The following HMGN5 variants were observed in gnomAD, a reference collection of about 807,000 sequenced individuals.
The protein encoded by HMGN5 is high mobility group nucleosome-binding domain-containing protein 5.
HMGN5 carries 4 observed loss-of-function variants against 9.5 expected under a neutral mutation model. The observed-to-expected ratio is 0.42, with a 90% confidence interval of 0.21 to 0.96. HMGN5 has a LOEUF of 0.96. Among genes scored for constraint, HMGN5 ranks in the 40% least tolerant of loss-of-function variants. The pLI, the probability that HMGN5 is intolerant of heterozygous loss-of-function variation, is 0.30. For missense variants in HMGN5, 192 were observed against 187.5 expected (o/e 1.02, Z -0.14); for synonymous variants, 55 against 57.1 (o/e 0.96, Z 0.16).
intron 1 of HMGN5, among the ~76,000 whole-genome samples, chrX:81,178,735 A>G (rs2075450919): frequency 9.0e-6 from 1 of 111,692 alleles, no homozygotes; most frequent in Non-Finnish European, 1.9e-5. Flanking sequence ...AAAGCCTGGT[A>G]AAGACACAAC....
intron 1 of HMGN5, among the ~76,000 whole-genome samples, chrX:81,135,166 A>G (rs2075307868): frequency 8.9e-6 from 1 of 111,860 alleles, no homozygotes; most frequent in African/African-American, 3.2e-5. Context: ...AAGCAATATC[A>G]TCAGTAAAGT....
At chrX:81,159,986 A>T (rs1189944024) in intron 1 of HMGN5, among the ~76,000 whole-genome samples, 4 of 112,223 alleles carry the variant, frequency 3.6e-5, no homozygotes, top group Non-Finnish European at 7.5e-5. Context: ...TCATTCAAAT[A>T]TTTGTATGCA....
At chrX:81,197,343 A>T (rs2075511946) in intron 1 of HMGN5, among the ~76,000 whole-genome samples, 1 of 111,974 alleles carries the variant, frequency 8.9e-6, no homozygotes, top group South Asian at 3.7e-4. Flanking sequence ...TTGACATGAT[A>T]ATGTTTTTCA....
chrX:81,177,077 G>A (rs2075444153), intron 1 of HMGN5, among the ~76,000 whole-genome samples: 1 of 110,045 alleles, frequency 9.1e-6, no homozygotes, highest in Admixed American at 9.8e-5. Context: ...AAGCCCATCA[G>A]ACTAACAGCG....
chrX:81,153,171 A>T (rs2075369568), intron 1 of HMGN5, among the ~76,000 whole-genome samples: 1 of 109,158 alleles, frequency 9.2e-6, no homozygotes, highest in East Asian at 2.9e-4. Context: ...TAAAAAAATA[A>T]AAAAAGAAAA....
At chrX:81,125,860 G>A (rs1258167657) in intron 1 of HMGN5, among the ~76,000 whole-genome samples, 2 of 111,288 alleles carry the variant, frequency 1.8e-5, no homozygotes, top group African/African-American at 6.5e-5. Context: ...TAAAATTTAA[G>A]CAGTTGGCTG....
At chrX:81,155,075 G>GTATATATATATATATATATATA (rs761895749) in intron 1 of HMGN5, among the ~76,000 whole-genome samples, 2 of 68,945 alleles carry the variant, frequency 2.9e-5, no homozygotes, top group African/African-American at 1.1e-4. Context: ...GTATATATCA[G>GTATATATATATATATATATATA]TATATATATA....
chrX:81,184,807 G>A (rs1018446782), intron 1 of HMGN5, among the ~76,000 whole-genome samples: 35 of 111,261 alleles, frequency 3.1e-4, no homozygotes, highest in African/African-American at 1.1e-3. Context: ...TTTCTATGTG[G>A]CAAGAGAGCG....
intron 1 of HMGN5, among the ~76,000 whole-genome samples, chrX:81,186,485 C>A (rs1454676137): frequency 9.0e-6 from 1 of 111,322 alleles, no homozygotes; most frequent in East Asian, 2.8e-4. Context: ...TTATTTGGGT[C>A]TTCTCTCTTT....
At chrX:81,168,263 A>G (rs756613962) in intron 1 of HMGN5, among the ~76,000 whole-genome samples, 1 of 112,063 alleles carries the variant, frequency 8.9e-6, no homozygotes, top group East Asian at 2.8e-4. Flanking sequence ...CCTCTTTATG[A>G]TTCACAACTT....
chrX:81,117,862 T>A (rs1381988707), intron 5 of HMGN5, among the ~76,000 whole-genome samples: 1 of 110,937 alleles, frequency 9.0e-6, no homozygotes, highest in Non-Finnish European at 1.9e-5. Context: ...ATTCAATCAA[T>A]ATTCTTATGT....
chrX:81,166,051 T>C (rs977770144), intron 1 of HMGN5, among the ~76,000 whole-genome samples: 4 of 110,749 alleles, frequency 3.6e-5, no homozygotes, highest in African/African-American at 9.8e-5. Flanking sequence ...GTGCATTGTA[T>C]AGTGTTTAGC....
chrX:81,135,030 A>C (rs1166911392), intron 1 of HMGN5, among the ~76,000 whole-genome samples: 1 of 111,668 alleles, frequency 9.0e-6, no homozygotes, highest in Non-Finnish European at 1.9e-5. Flanking sequence ...CTTATAATAA[A>C]ACATAAGAGT....
At chrX:81,147,890 A>T (rs1313765050) in intron 1 of HMGN5, among the ~76,000 whole-genome samples, 1 of 111,520 alleles carries the variant, frequency 9.0e-6, no homozygotes, top group East Asian at 2.8e-4. Context: ...CAATTGCTAC[A>T]AAGAGAATAA....
chrX:81,185,097 G>GCAAA (rs2075473660), intron 1 of HMGN5, among the ~76,000 whole-genome samples: 1 of 111,270 alleles, frequency 9.0e-6, no homozygotes, highest in Non-Finnish European at 1.9e-5. Flanking sequence ...GAATAGCTTT[G>GCAAA]GCTATTCTGG....
chrX:81,118,593 A>C, intron 4 of HMGN5, 108 bp from the exon 5 acceptor site: 1 of 816,113 alleles, frequency 1.2e-6, no homozygotes, highest in Non-Finnish European at 1.8e-6. Context: ...AGTATTAGGA[A>C]AAAAAATACA....
chrX:81,188,883 A>G (rs994578189), intron 1 of HMGN5, among the ~76,000 whole-genome samples: 1 of 111,396 alleles, frequency 9.0e-6, no homozygotes, highest in Non-Finnish European at 1.9e-5. Flanking sequence ...TCATTGATGG[A>G]CATTTAAGGT....
chrX:81,163,694 T>C (rs1052079296), intron 1 of HMGN5, among the ~76,000 whole-genome samples: 1 of 111,954 alleles, frequency 8.9e-6, no homozygotes, highest in Non-Finnish European at 1.9e-5. Context: ...TGAAACCTTT[T>C]CTCATAAGTA....
chrX:81,174,571 A>G (rs1382027579), intron 1 of HMGN5, among the ~76,000 whole-genome samples: 1 of 111,521 alleles, frequency 9.0e-6, no homozygotes, highest in Non-Finnish European at 1.9e-5. Context: ...AACATAGAAT[A>G]AAATACATCT....
Sources: allele counts gnomAD v4.1 joint callset (sites outside exome capture counted in the v4.1 genomes callset), GRCh38; gene constraint gnomAD v4.1.1; transcripts MANE v1.5; gene names NCBI Gene and HGNC (gene_info 2026-07-23, HGNC 2026-07-21).